Variants in C12orf56 observed in about 807,000 individuals in gnomAD.
The protein encoded by C12orf56 is uncharacterized protein C12orf56.
In C12orf56, 71 loss-of-function variants were observed where a neutral mutation model predicts 69.9. The ratio of observed to expected loss-of-function variants is 1.02; its 90% CI spans 0.84 to 1.24. C12orf56 has a LOEUF of 1.24. Ranked by LOEUF, C12orf56 falls within the 50% of genes most tolerant of loss-of-function variation. C12orf56 has a pLI of 0.00. For synonymous variants in C12orf56, 276 were observed against 274.1 expected, an observed-to-expected ratio of 1.01 and a Z score of -0.07; for missense variants, 732 against 738.5, an observed-to-expected ratio of 0.99 and a Z score of 0.10.
intron 1 of C12orf56, among the ~76,000 whole-genome samples, chr12:64,378,187 C>T (rs1258711587): frequency 6.6e-6 from 1 of 152,210 alleles, no homozygotes; most frequent in Admixed American, 6.5e-5. Context: ...TTCTTCCAGA[C>T]ATGTGGAATG....
intron 1 of C12orf56, among the ~76,000 whole-genome samples, chr12:64,354,307 G>A (rs2039276534): frequency 6.6e-6 from 1 of 152,120 alleles, no homozygotes; most frequent in African/African-American, 2.4e-5. Flanking sequence ...AGGCATAATG[G>A]TGCCCACCTG....
intron 1 of C12orf56, among the ~76,000 whole-genome samples, chr12:64,375,090 G>C (rs191709502): frequency 1.9e-4 from 29 of 150,862 alleles, no homozygotes; most frequent in Admixed American, 9.2e-4. Context: ...TATTTTTTGA[G>C]AGGGAGTCTC....
chr12:64,266,939 A>G lies in C12orf56; in HGVS notation c.*244T>C. ...GTGAGTTTGAAGAACTACTCTAATA[A>G]AGAAATGGCTCTTTTGCCCAATGGC... On this transcript the variant is annotated 3_prime_UTR_variant, in exon 13 of 13. Coordinates refer to ENST00000543942, the MANE Select transcript of C12orf56 (RefSeq NM_001170633.2). The G allele has an allele frequency of 2.4e-6, 1 of 419,368 alleles. No individual in the cohort carries two copies. The highest frequency in any genetic ancestry group is 2.1e-5 in the African/African-American group (1 of 48,106). 26.0% of individuals were successfully genotyped at this position (419,368 alleles called of 1,614,324 possible). A position where few individuals can be genotyped will look rare whatever the true frequency, so the allele number is the denominator to read the frequency against.
In C12orf56 at chr12:64,303,722, G is replaced by A; in HGVS notation, c.1026C>T (p.Asp342=). 2 of 1,583,078 alleles carry A rather than the reference G, an allele frequency of 1.3e-6. No individual in the cohort carries two copies. The highest frequency in any genetic ancestry group is 1.7e-6 in the Non-Finnish European group (2 of 1,164,804). ...AAGAAAGTATCCTCCTCAAAGAATT[G>A]TCTTTAAGAAAAAGTTCAGATTTAA... ...SQLKSELFLK[D]NSLRRILSLL... Residue 342 remains aspartate (D), a synonymous_variant, in exon 6 of 13, where the codon GAC becomes GAT. Coordinates refer to ENST00000543942, the MANE Select transcript of C12orf56 (RefSeq NM_001170633.2).
chr12:64,293,444 G>C (rs900768124), intron 6 of C12orf56: 1 of 152,116 alleles, frequency 6.6e-6, no homozygotes, highest in Non-Finnish European at 1.5e-5. Flanking sequence ...TCTACCACTG[G>C]GCAGTTGTGT....
chr12:64,330,886 T>A (rs1185448531), intron 3 of C12orf56, 74 bp downstream of exon 3: 4 of 1,286,218 alleles, frequency 3.1e-6, no homozygotes, highest in Non-Finnish European at 4.3e-6. Context: ...AGAAAAAAAA[T>A]TAAGAAAAAC....
chr12:64,330,366 T>C (rs771421461), intron 3 of C12orf56, among the ~76,000 whole-genome samples: 13 of 152,196 alleles, frequency 8.5e-5, no homozygotes, highest in Non-Finnish European at 1.6e-4. Flanking sequence ...TTCCATTTCT[T>C]TTCTGCCTGG....
chr12:64,303,813 A>C, intron 5 of C12orf56, 34 bp from the exon 6 acceptor site: 1 of 1,548,774 alleles, frequency 6.5e-7, no homozygotes, highest in Middle Eastern at 1.8e-4. Flanking sequence ...CCACTTAAAA[A>C]AATGGTAAGA....
Position 64,285,934 on chromosome 12 carries a change from A to G in C12orf56, c.1220+20T>C. The G allele has an allele frequency of 6.8e-7, 1 of 1,463,594 alleles. No individual in the cohort carries two copies. The highest frequency in any genetic ancestry group is 9.3e-7 in the Non-Finnish European group (1 of 1,077,624). The allele number at this position is 1,463,594 out of a possible 1,614,324, so 90.7% of individuals were successfully genotyped here. A position where few individuals can be genotyped will look rare whatever the true frequency, so the allele number is the denominator to read the frequency against. ...CCTAGCAAAAAAAAAAAAATCGATGATTATCTAGTTAGTACTTACACCAGC... is the reference window on the plus strand; with the variant it reads ...CCTAGCAAAAAAAAAAAAATCGATGGTTATCTAGTTAGTACTTACACCAGC... On this transcript the variant is annotated intron_variant, in intron 7 of 12. Coordinates refer to ENST00000543942, the MANE Select transcript of C12orf56 (RefSeq NM_001170633.2).
At chr12:64,279,900 T>C (rs1208552423) in intron 8 of C12orf56, among the ~76,000 whole-genome samples, 1 of 152,234 alleles carries the variant, frequency 6.6e-6, no homozygotes, top group Non-Finnish European at 1.5e-5. Context: ...TTCCATTCAC[T>C]GTTATATTTA....
At chr12:64,378,188 A>T (rs2039666355) in intron 1 of C12orf56, among the ~76,000 whole-genome samples, 1 of 152,218 alleles carries the variant, frequency 6.6e-6, no homozygotes, top group Non-Finnish European at 1.5e-5. Context: ...TCTTCCAGAC[A>T]TGTGGAATGC....
At chr12:64,356,201 C>T (rs895785729) in intron 1 of C12orf56, among the ~76,000 whole-genome samples, 2 of 133,174 alleles carry the variant, frequency 1.5e-5, no homozygotes, top group Non-Finnish European at 3.2e-5. Flanking sequence ...AAAAAAAAAC[C>T]ATACATTTAA....
chr12:64,325,372 A>AAAG (rs537880682), intron 3 of C12orf56, among the ~76,000 whole-genome samples: 69,638 of 141,328 alleles, frequency 0.49, 17,497 homozygotes, highest in East Asian at 0.67. Context: ...AAAAAAAAAA[A>AAAG]AAGAAGAAGA....
intron 3 of C12orf56, among the ~76,000 whole-genome samples, chr12:64,329,060 G>C (rs887105207): frequency 4.7e-5 from 7 of 150,078 alleles, no homozygotes; most frequent in Non-Finnish European, 1.0e-4. Context: ...GCGAGACTCA[G>C]TCTCAAAAAA....
In C12orf56 at chr12:64,390,393, C is replaced by T. The variant is rs377519537; in HGVS notation, c.173G>A (p.Arg58Gln). The T allele has an allele frequency of 4.3e-6, 7 of 1,613,376 alleles. No individual in the cohort carries two copies. Among genetic ancestry groups the T allele is most frequent in the Non-Finnish European group, 5.9e-6 (7 of 1,179,786 alleles). Residue 58 changes from arginine to glutamine, a missense_variant, in exon 1 of 13, where the codon CGG (arginine) becomes CAG (glutamine). Coordinates refer to ENST00000543942, the MANE Select transcript of C12orf56 (RefSeq NM_001170633.2). ...HILKYVVLSD[R>Q]LVYLTENPPK... ...CGGGTTCTCGGTTAGGTAGACGAGC[C>T]GGTCGCTTAGCACCACATACTTGAG... is the stretch of plus-strand genomic sequence containing the variant.
intron 6 of C12orf56, among the ~76,000 whole-genome samples, chr12:64,297,190 T>TA (rs911956167): frequency 6.6e-6 from 1 of 152,096 alleles, no homozygotes; most frequent in Non-Finnish European, 1.5e-5. Context: ...ACAATTTAAA[T>TA]AAAAAAATCT....
chr12:64,280,509 T>C (rs1198545296), intron 8 of C12orf56, among the ~76,000 whole-genome samples: 9 of 152,282 alleles, frequency 5.9e-5, no homozygotes, highest in African/African-American at 1.9e-4. Flanking sequence ...ACAAACCCTA[T>C]CAAATTCCTT....
At chr12:64,316,218 C>G (rs1477068654) in intron 4 of C12orf56, among the ~76,000 whole-genome samples, 4 of 151,978 alleles carry the variant, frequency 2.6e-5, no homozygotes, top group African/African-American at 9.7e-5. Flanking sequence ...TAATCCTCAT[C>G]TCAGCCTCCC....
At chr12:64,272,050 AG>A (rs2037996639) in intron 11 of C12orf56, among the ~76,000 whole-genome samples, 1 of 152,158 alleles carries the variant, frequency 6.6e-6, no homozygotes, top group Admixed American at 6.6e-5. Context: ...CCAACTTTAG[AG>A]GCTGGTAAAG....
Sources: allele counts gnomAD v4.1 joint callset (sites outside exome capture counted in the v4.1 genomes callset), GRCh38; gene constraint gnomAD v4.1.1; transcripts MANE v1.5; gene names NCBI Gene and HGNC (gene_info 2026-07-23, HGNC 2026-07-21).